TYR: variants seen among roughly 807,000 people sequenced by gnomAD.
The protein encoded by TYR is tyrosinase.
A neutral mutation model predicts 51.5 loss-of-function variants in TYR; 58 were observed. The ratio of observed to expected loss-of-function variants is 1.13; its 90% confidence interval spans 0.91 to 1.40. The LOEUF (loss-of-function observed/expected upper bound fraction) is 1.40. TYR is among the 40% of genes most tolerant of loss of function. TYR has a pLI of 0.00. For synonymous variants in TYR, 263 were observed against 235.2 expected, an observed-to-expected ratio of 1.12 and a Z score of -1.08; for missense variants, 732 against 647.4, an observed-to-expected ratio of 1.13 and a Z score of -1.42.
At chr11:89,185,374 A>C (rs1367764145) in intron 1 of TYR, among the ~76,000 whole-genome samples, 1 of 152,204 alleles carries the variant, frequency 6.6e-6, no homozygotes, top group Non-Finnish European at 1.5e-5. Flanking sequence ...TGACCAAGAA[A>C]AATGAGCACT....
chr11:89,274,837 T>C (rs963742433), intron 3 of TYR, among the ~76,000 whole-genome samples: 6 of 151,816 alleles, frequency 4.0e-5, no homozygotes, highest in African/African-American at 1.4e-4. Flanking sequence ...AGATATATTG[T>C]ACGGCTTTCC....
intron 2 of TYR, among the ~76,000 whole-genome samples, chr11:89,203,743 G>A (rs1943630846): frequency 1.3e-5 from 2 of 151,874 alleles, no homozygotes; most frequent in Admixed American, 1.3e-4. Flanking sequence ...ACACCCAGAG[G>A]TACAAACAAA....
intron 2 of TYR, among the ~76,000 whole-genome samples, chr11:89,216,977 A>G (rs370688386): frequency 1.3e-5 from 2 of 152,312 alleles, no homozygotes; most frequent in South Asian, 4.1e-4. Context: ...GTCCAACAAC[A>G]TTTAGATTAT....
intron 3 of TYR, among the ~76,000 whole-genome samples, chr11:89,231,613 G>A (rs995428856): frequency 7.0e-6 from 1 of 142,678 alleles, no homozygotes; most frequent in African/African-American, 2.8e-5. Context: ...GAATTAGAGA[G>A]TAGAGGATGG....
At chr11:89,268,109 T>C (rs767544179) in intron 3 of TYR, among the ~76,000 whole-genome samples, 10 of 151,994 alleles carry the variant, frequency 6.6e-5, no homozygotes, top group Non-Finnish European at 2.9e-5. Context: ...GCAAGTTTTA[T>C]ATCCCTTTTG....
At chr11:89,268,364 T>C (rs1207731181) in intron 3 of TYR, among the ~76,000 whole-genome samples, 1 of 151,876 alleles carries the variant, frequency 6.6e-6, no homozygotes, top group Non-Finnish European at 1.5e-5. Context: ...ATCCAATAAA[T>C]TGAAATTATT....
chr11:89,180,398 A>G (rs1285013310), intron 1 of TYR, among the ~76,000 whole-genome samples: 1 of 152,232 alleles, frequency 6.6e-6, no homozygotes, highest in Non-Finnish European at 1.5e-5. Context: ...ATCTTAATAG[A>G]TAGATACACA....
intron 2 of TYR, among the ~76,000 whole-genome samples, chr11:89,215,644 A>G (rs1169687837): frequency 1.3e-5 from 2 of 152,056 alleles, no homozygotes; most frequent in African/African-American, 4.8e-5. Flanking sequence ...AAAATTTTTT[A>G]TAGATTTAGG....
intron 3 of TYR, among the ~76,000 whole-genome samples, chr11:89,245,648 CGT>C (rs1385045795): frequency 6.6e-6 from 1 of 152,038 alleles, no homozygotes; most frequent in Non-Finnish European, 1.5e-5. Context: ...ACAGGCTGGG[CGT>C]GGTGGCTCAC....
chr11:89,186,972 A>T (rs1943382723), intron 1 of TYR, among the ~76,000 whole-genome samples: 1 of 152,154 alleles, frequency 6.6e-6, no homozygotes, highest in African/African-American at 2.4e-5. Context: ...CTCAGCAGAT[A>T]CCTTGATCTT....
intron 3 of TYR, among the ~76,000 whole-genome samples, chr11:89,248,975 T>C (rs1944300148): frequency 6.6e-6 from 1 of 152,160 alleles, no homozygotes; most frequent in African/African-American, 2.4e-5. Flanking sequence ...ATTACTCCAA[T>C]AATTAGAAGC....
chr11:89,216,596 T>C (rs1440902693), intron 2 of TYR, among the ~76,000 whole-genome samples: 2 of 134,206 alleles, frequency 1.5e-5, no homozygotes, highest in Admixed American at 1.8e-4. Context: ...GAGGTCGCAG[T>C]GAGCCGAGAT....
intron 4 of TYR, among the ~76,000 whole-genome samples, chr11:89,290,723 C>T (rs1285570441): frequency 6.6e-6 from 1 of 151,870 alleles, no homozygotes; most frequent in Non-Finnish European, 1.5e-5. Flanking sequence ...GGGAACTTCC[C>T]CCAAAGTTAT....
At chr11:89,247,639 C>G (rs11018551) in intron 3 of TYR, among the ~76,000 whole-genome samples, 67 of 152,134 alleles carry the variant, frequency 4.4e-4, no homozygotes, top group Non-Finnish European at 6.9e-4. Flanking sequence ...AAGAGAATTT[C>G]AAGATCATAA....
intron 3 of TYR, among the ~76,000 whole-genome samples, chr11:89,248,449 G>A (rs1944292903): frequency 6.6e-6 from 1 of 152,140 alleles, no homozygotes; most frequent in Non-Finnish European, 1.5e-5. Context: ...AGAAGAGGTA[G>A]CCATAGAAAT....
chr11:89,193,945 T>C (rs1469245097), intron 2 of TYR, among the ~76,000 whole-genome samples: 1 of 152,140 alleles, frequency 6.6e-6, no homozygotes, highest in Non-Finnish European at 1.5e-5. Flanking sequence ...CCCCTGAATA[T>C]TTTAGTGTGT....
chr11:89,245,466 C>T (rs1944252483), intron 3 of TYR, among the ~76,000 whole-genome samples: 1 of 152,128 alleles, frequency 6.6e-6, no homozygotes, highest in African/African-American at 2.4e-5. Context: ...GTATACTCTT[C>T]CTCCAACAAG....
At chr11:89,272,205 T>G (rs1314131031) in intron 3 of TYR, among the ~76,000 whole-genome samples, 1 of 151,954 alleles carries the variant, frequency 6.6e-6, no homozygotes, top group Non-Finnish European at 1.5e-5. Context: ...AATCACTGTA[T>G]GTCGGCTATA....
rs1943249631 is a variant in TYR, at chr11:89,178,172, G to A, written c.219G>A (p.Gly73=). Residue 73 remains glycine (G), a synonymous_variant, in exon 1 of 5, where the codon GGG becomes GGA. Transcript: ENST00000263321. ...APLGPQFPFT[G]VDDRESWPSV... ...TTGGGCCTCAATTTCCCTTCACAGGGGTGGATGACCGGGAGTCGTGGCCTT... is the reference window on the plus strand; with the variant it reads ...TTGGGCCTCAATTTCCCTTCACAGGAGTGGATGACCGGGAGTCGTGGCCTT... The A allele has an allele frequency of 6.2e-7, 1 of 1,614,166 alleles. No homozygotes were observed. Among genetic ancestry groups the A allele is most frequent in the Non-Finnish European group, 8.5e-7 (1 of 1,180,018 alleles).
Sources: gnomAD v4.1 joint callset for allele counts (sites outside exome capture counted in the v4.1 genomes callset) on GRCh38, gnomAD v4.1.1 for gene constraint, MANE v1.5 for transcripts, NCBI Gene and HGNC (gene_info 2026-07-23, HGNC 2026-07-21) for gene names.